FBXL19: variants seen among roughly 807,000 people sequenced by gnomAD.
The protein encoded by FBXL19 is F-box and leucine rich repeat protein 19.
In FBXL19, 16 loss-of-function variants were observed where a neutral mutation model predicts 71.2. The ratio of observed to expected loss-of-function variants is 0.22; its 90% confidence interval spans 0.15 to 0.34. The LOEUF (loss-of-function observed/expected upper bound fraction) is 0.34. Ranked by LOEUF, FBXL19 falls within the 10% of genes least tolerant of loss-of-function variation. FBXL19 has a pLI of 1.00. For synonymous variants in FBXL19, 447 were observed against 409.4 expected, an observed-to-expected ratio of 1.09 and a Z score of -1.11; for missense variants, 658 against 968.2, an observed-to-expected ratio of 0.68 and a Z score of 4.25.
At chr16:30,938,153 G>A (rs1401034189) in intron 7 of FBXL19, among the ~76,000 whole-genome samples, 2 of 152,102 alleles carry the variant, frequency 1.3e-5, no homozygotes, top group East Asian at 3.8e-4. Context: ...GAACAGGAGA[G>A]CGAGTGGCAG....
rs1291014605 is a variant in FBXL19, at chr16:30,930,287, G to A, written c.1004G>A (p.Arg335Gln). 3.1e-6 allele frequency: 5 copies of A among 1,612,066 alleles called. No homozygotes were observed. Among genetic ancestry groups the A allele is most frequent in the East Asian group, 2.2e-5 (1 of 44,878 alleles). ...CCCGGCGAGGCCCGGAATGGGCGAC[G>A]GCCAGCCCGGGGCAGCTCTGGCGAG... ...EAPGEARNGR[R>Q]PARGSSGEKE... Residue 335 changes from arginine to glutamine, a missense_variant, in exon 7 of 11, where the codon CGG (arginine) becomes CAG (glutamine). Transcript: ENST00000338343. The surrounding 1 kb of genome is among the most constrained non-coding windows in gnomAD (Gnocchi z 8.5).
At chr16:30,940,061 A>G (rs1018945293) in intron 7 of FBXL19, among the ~76,000 whole-genome samples, 2 of 152,136 alleles carry the variant, frequency 1.3e-5, no homozygotes, top group East Asian at 1.9e-4. Context: ...TTTCGAGACC[A>G]GCCTGGCCAA....
At chr16:30,944,169 CTTTTTTTTTTTTTTTT>C (rs761103868) in intron 9 of FBXL19, among the ~76,000 whole-genome samples, 1 of 62,936 alleles carries the variant, frequency 1.6e-5, no homozygotes, top group African/African-American at 6.7e-5. Context: ...GAAGGTGGGC[CTTTTTTTTTTTTTTTT>C]TTTTTTTTTT....
Position 30,946,072 on chromosome 16 carries a change from T to C in FBXL19, c.1628-658T>C, listed in dbSNP as rs1258728573. 6.6e-6 allele frequency among the ~76,000 whole-genome samples: 1 copy of C among 152,102 alleles called. No homozygotes were observed. Among genetic ancestry groups the C allele is most frequent in the Non-Finnish European group, 1.5e-5 (1 of 68,022 alleles). ...AGGATTCTGCAAGCTGTACAGGAAGTATCGTGCCTGCGTCTGCTCAGCTTC... is the reference window on the plus strand; with the variant it reads ...AGGATTCTGCAAGCTGTACAGGAAGCATCGTGCCTGCGTCTGCTCAGCTTC... On this transcript the variant is annotated intron_variant, in intron 9 of 10. Coordinates refer to ENST00000338343, the MANE Select transcript of FBXL19 (RefSeq NM_001382779.1). This position sits in a 1 kb window ranked among gnomAD's most constrained non-coding sequence, Gnocchi z 6.7.
chr16:30,924,411 C>A lies in FBXL19; in HGVS notation c.-73C>A, dbSNP rs2055564973. On this transcript the variant is annotated 5_prime_UTR_variant, in exon 1 of 11. Transcript: ENST00000338343. ...CCCCCGCCGCCGATGGCCGCCGACCCGCCGGGAGCTGCCGAGAAGGGAGAG... is the reference window on the plus strand; with the variant it reads ...CCCCCGCCGCCGATGGCCGCCGACCAGCCGGGAGCTGCCGAGAAGGGAGAG... 4.2e-6 allele frequency: 1 copy of A among 238,078 alleles called. No individual in the cohort carries two copies. Among genetic ancestry groups the A allele is most frequent in the African/African-American group, 2.3e-5 (1 of 44,306 alleles). The allele number at this position is 238,078 out of a possible 1,614,324, so 14.7% of individuals were successfully genotyped here.
At chr16:30,931,178 A>G (rs2055669488) in intron 7 of FBXL19, among the ~76,000 whole-genome samples, 1 of 151,898 alleles carries the variant, frequency 6.6e-6, no homozygotes, top group African/African-American at 2.4e-5. Context: ...TCTATTAGAA[A>G]TGTCGGTCAT....
At chr16:30,922,897 G>A, upstream of FBXL19, 1 of 381,768 alleles carries the variant, frequency 2.6e-6, no homozygotes, top group Non-Finnish European at 5.4e-6. Context: ...GGTGGAAAGC[G>A]GAGACCGGGA....
intron 7 of FBXL19, among the ~76,000 whole-genome samples, chr16:30,939,094 C>T (rs2055770148): frequency 6.6e-6 from 1 of 150,902 alleles, no homozygotes; most frequent in Non-Finnish European, 1.5e-5. Context: ...ATTTTTGAGA[C>T]AGAGTCTCGC....
chr16:30,946,694 T>A lies in FBXL19; in HGVS notation c.1628-36T>A, dbSNP rs1223452595. 1.9e-6 allele frequency: 3 copies of A among 1,577,078 alleles called. No individual in the cohort carries two copies. The African/African-American group carries it at 4.0e-5, about 21-fold the overall frequency. ...GGATACCTGGGCGCAGGGATGGGAG[T>A]GGCCAGGAGTGCTGACCTCTCATCT... is the stretch of plus-strand genomic sequence containing the variant. On this transcript the variant is annotated intron_variant, in intron 9 of 10. Coordinates refer to ENST00000338343, the MANE Select transcript of FBXL19 (RefSeq NM_001382779.1). This position sits in a 1 kb window ranked among gnomAD's most constrained non-coding sequence, Gnocchi z 6.7.
At chr16:30,929,184 G>A (rs977243182) in intron 6 of FBXL19, among the ~76,000 whole-genome samples, 25 of 152,140 alleles carry the variant, frequency 1.6e-4, no homozygotes, top group African/African-American at 5.3e-4. Context: ...ACAGGAGTCC[G>A]CCTGATTGGG....
rs571582391 is a variant in FBXL19, at chr16:30,931,369, T to G, written c.1301+785T>G. ...CATCAGTTGCTGGGGTGGGAGCAGA[T>G]AACTGTGTCTGTTTTATCTTCACGT... On this transcript the variant is annotated intron_variant, in intron 7 of 10. Coordinates refer to ENST00000338343, the MANE Select transcript of FBXL19 (RefSeq NM_001382779.1). 2.0e-4 allele frequency among the ~76,000 whole-genome samples: 31 copies of G among 152,286 alleles called. No homozygotes were observed. The South Asian group carries it at 4.1e-3, about 20-fold the overall frequency.
intron 6 of FBXL19, among the ~76,000 whole-genome samples, chr16:30,929,266 T>C (rs1247869059): frequency 2.6e-5 from 4 of 152,208 alleles, no homozygotes; most frequent in Non-Finnish European, 5.9e-5. Context: ...AAGCCTCGGT[T>C]TCCTCATGTC....
At chr16:30,944,174 T>C (rs2055832166) in intron 9 of FBXL19, among the ~76,000 whole-genome samples, 1 of 148,140 alleles carries the variant, frequency 6.8e-6, no homozygotes, top group Non-Finnish European at 1.5e-5. Flanking sequence ...TGGGCCTTTT[T>C]TTTTTTTTTT....
At chr16:30,944,339 C>G (rs899748779) in intron 9 of FBXL19, among the ~76,000 whole-genome samples, 1 of 151,808 alleles carries the variant, frequency 6.6e-6, no homozygotes, top group Non-Finnish European at 1.5e-5. Context: ...AGTTATTTCT[C>G]CTGATCCTCT....
chr16:30,931,001 C>T (rs565245738), intron 7 of FBXL19, among the ~76,000 whole-genome samples: 8 of 152,200 alleles, frequency 5.3e-5, no homozygotes, highest in African/African-American at 9.6e-5. Flanking sequence ...CTGCCACTTC[C>T]GAAAACAGTC....
intron 9 of FBXL19, among the ~76,000 whole-genome samples, chr16:30,943,317 G>GT (rs1017092290): frequency 6.6e-6 from 1 of 150,676 alleles, no homozygotes; most frequent in African/African-American, 2.4e-5. Context: ...AGCCTCCTGA[G>GT]TAGCTGGGCC....
chr16:30,923,729 C>A lies in FBXL19; in HGVS notation c.-755C>A, dbSNP rs1318666585. Among the ~76,000 whole-genome samples the A allele has an allele frequency of 6.6e-6, 1 of 151,658 alleles. No individual in the cohort carries two copies. The highest frequency in any genetic ancestry group is 2.1e-4 in the South Asian group (1 of 4,792). On this transcript the variant is annotated 5_prime_UTR_variant, in exon 1 of 11. Transcript: ENST00000338343. ...CCCTCTATCCTTTCCTTCCACCCTC[C>A]CGCTTGAGGAGGGGGATTTATTCAA...
rs1405655286 is a variant in FBXL19 at position 30,947,964 on chromosome 16, A to AG, written c.*738dup. 2.4e-6 allele frequency: 1 copy of AG among 416,042 alleles called. No individual in the cohort carries two copies. Among genetic ancestry groups the AG allele is most frequent in the East Asian group, 7.3e-5 (1 of 13,676 alleles). The allele number at this position is 416,042 out of a possible 1,614,324, so 25.8% of individuals were successfully genotyped here. On this transcript the variant is annotated 3_prime_UTR_variant, in exon 11 of 11. Transcript: ENST00000338343. ...CAGCTCGCGGCCCAGGGGAGTGGCG[A>AG]GGGGCGCCCCAACCCCCTGCCCGCC... is the stretch of plus-strand genomic sequence containing the variant.
At chr16:30,943,300 C>T (rs1222143804) in intron 9 of FBXL19, among the ~76,000 whole-genome samples, 2 of 152,034 alleles carry the variant, frequency 1.3e-5, no homozygotes, top group African/African-American at 4.8e-5. Flanking sequence ...GTGATCCTCC[C>T]CACCTCAGCC....
Sources: gnomAD v4.1 joint callset for allele counts (sites outside exome capture counted in the v4.1 genomes callset) on GRCh38, gnomAD v4.1.1 for gene constraint, Gnocchi (gnomAD v3.1) non-coding constraint, MANE v1.5 for transcripts, NCBI Gene and HGNC (gene_info 2026-07-23, HGNC 2026-07-21) for gene names.